The following PITPNM2 variants were observed in gnomAD, a reference collection of about 807,000 sequenced individuals.
The protein encoded by PITPNM2 is membrane-associated phosphatidylinositol transfer protein 2.
In PITPNM2, 35 loss-of-function variants were observed where a neutral mutation model predicts 132.2. The observed-to-expected ratio is 0.26, with a 90% CI of 0.20 to 0.35. The LOEUF is 0.35. Among genes scored for constraint, PITPNM2 ranks in the 10% least tolerant of loss-of-function variants. The pLI is 1.00. For synonymous variants in PITPNM2, 738 were observed against 799.2 expected (o/e 0.92, Z 1.29); for missense variants, 1,332 against 1,912.0 (o/e 0.70, Z 5.66).
intron 2 of PITPNM2, among the ~76,000 whole-genome samples, chr12:123,069,474 A>G (rs1447312362): frequency 1.3e-5 from 2 of 152,114 alleles, no homozygotes; most frequent in Non-Finnish European, 2.9e-5. Flanking sequence ...CGCAGCAAAG[A>G]AAAGGCCAGA....
In PITPNM2 at chr12:123,034,617, G is replaced by A; in HGVS notation, c.-27C>T. ...TTGGAGTCCAAGCCTTCCCGTCGAT[G>A]GGGAACTGCAAGTTGGGACTTCTAG... On this transcript the variant is annotated 5_prime_UTR_variant, in exon 3 of 26. Transcript: ENST00000320201. The A allele has an allele frequency of 6.2e-7, 1 of 1,605,478 alleles. No individual in the cohort carries two copies. Among genetic ancestry groups the A allele is most frequent in the Non-Finnish European group, 8.5e-7 (1 of 1,172,102 alleles).
intron 2 of PITPNM2, chr12:123,105,366 G>T (rs1296451165): frequency 6.6e-6 from 1 of 152,162 alleles, no homozygotes; most frequent in Non-Finnish European, 1.5e-5. Flanking sequence ...AAATACGTGT[G>T]GAATGAATCG....
chr12:123,031,091 C>T lies in PITPNM2; in HGVS notation c.78+3422G>A, dbSNP rs1389796219. Among the ~76,000 whole-genome samples the T allele has an allele frequency of 1.3e-5, 2 of 152,194 alleles. No homozygotes were observed. The highest frequency in any genetic ancestry group is 1.5e-5 in the Non-Finnish European group (1 of 68,038). ...GTGGTTGCACAACATTGTGAGTATA[C>T]TAAATGCCACTGAATTGTTCACTTA... is the stretch of plus-strand genomic sequence containing the variant. On this transcript the variant is annotated intron_variant, in intron 3 of 25. Transcript: ENST00000320201. The surrounding 1 kb of genome is among the most constrained non-coding windows in gnomAD (Gnocchi z 4.5).
At position 122,986,121 on chromosome 12, in the gene PITPNM2, T is replaced by G. The variant is rs1308980587; in HGVS notation, c.3956A>C (p.Gln1319Pro). 6.6e-7 allele frequency: 1 copy of G among 1,504,990 alleles called. No individual in the cohort carries two copies. Among genetic ancestry groups the G allele is most frequent in the South Asian group, 1.2e-5 (1 of 80,432 alleles). The allele number at this position is 1,504,990 out of a possible 1,614,324, so 93.2% of individuals were successfully genotyped here. The stretch of plus-strand genomic sequence containing the variant: ...CACACTCATGCTGCGCTGGCCCCGC[T>G]GCTCGCCATCCGCCTGGCTCTGTGT... ...ERTQSQADGE[Q>P]RGQRSMSVAA... Residue 1319 changes from glutamine (Q) to proline (P), a missense_variant, in exon 26 of 26, where the codon CAG becomes CCG. Gln to Pro is a moderately conservative substitution (Grantham distance 76). This residue lies in a region of PITPNM2 where 163 missense variants were observed against 177.2 expected (regional missense o/e 0.92). Transcript: ENST00000320201.
intron 2 of PITPNM2, among the ~76,000 whole-genome samples, chr12:123,093,885 C>T (rs1227547336): frequency 6.6e-6 from 1 of 152,190 alleles, no homozygotes; most frequent in Non-Finnish European, 1.5e-5. Context: ...TGGGCCAGAG[C>T]CCAACACCAC....
At chr12:122,999,882 C>T (rs2136150986) in intron 10 of PITPNM2, among the ~76,000 whole-genome samples, 1 of 152,330 alleles carries the variant, frequency 6.6e-6, no homozygotes, top group Non-Finnish European at 1.5e-5. Flanking sequence ...CCCCAGGCCC[C>T]TTCTGCCCCT....
chr12:123,138,226 C>T (rs1463370320), intron 1 of PITPNM2, among the ~76,000 whole-genome samples: 2 of 152,034 alleles, frequency 1.3e-5, no homozygotes, highest in Admixed American at 6.6e-5. Flanking sequence ...GTGGGTGGAT[C>T]GCTTGAGCTC....
chr12:123,148,388 CA>C (rs1366201943), intron 1 of PITPNM2, among the ~76,000 whole-genome samples: 1 of 152,170 alleles, frequency 6.6e-6, no homozygotes, highest in Non-Finnish European at 1.5e-5. Flanking sequence ...ACTACGCTTA[CA>C]TTAAAGAGCA....
rs2038297069 is a variant in PITPNM2 at position 122,993,708 on chromosome 12, G to A, written c.2234-1039C>T. 6.6e-6 allele frequency among the ~76,000 whole-genome samples: 1 copy of A among 152,162 alleles called. No individual in the cohort carries two copies. Among genetic ancestry groups the A allele is most frequent in the Middle Eastern group, 3.2e-3 (1 of 316 alleles). ...ATGCACCTGTGTGGGACTCTGTGGG[G>A]CTGTTCAGAGCCTGCAGTGGCTGGG... On this transcript the variant is annotated intron_variant, in intron 15 of 25. Coordinates refer to ENST00000320201, the MANE Select transcript of PITPNM2 (RefSeq NM_020845.3). This position sits in a 1 kb window ranked among gnomAD's most constrained non-coding sequence, Gnocchi z 5.2.
At chr12:123,040,921 G>A (rs1200711614) in intron 2 of PITPNM2, among the ~76,000 whole-genome samples, 1 of 152,186 alleles carries the variant, frequency 6.6e-6, no homozygotes, top group African/African-American at 2.4e-5. Context: ...TTGACTGAAT[G>A]CTGGAGAGGG....
chr12:123,050,926 A>G (rs576678617), intron 2 of PITPNM2, among the ~76,000 whole-genome samples: 6 of 152,238 alleles, frequency 3.9e-5, no homozygotes, highest in African/African-American at 1.2e-4. Flanking sequence ...CCATGGGCAC[A>G]TAACTTGGGC....
intron 2 of PITPNM2, chr12:123,081,126 C>G (rs2041950831): frequency 6.6e-6 from 1 of 152,386 alleles, no homozygotes; most frequent in Admixed American, 6.5e-5. Flanking sequence ...GGTCTCTTCC[C>G]TCAACCCCTC....
chr12:123,137,896 A>AAG (rs1468470423), intron 1 of PITPNM2, among the ~76,000 whole-genome samples: 1 of 141,488 alleles, frequency 7.1e-6, no homozygotes, highest in East Asian at 2.0e-4. Context: ...CTGTCTCAAA[A>AAG]AAAAAAAAAA....
chr12:123,102,731 T>C (rs189431395), intron 2 of PITPNM2, among the ~76,000 whole-genome samples: 2 of 152,064 alleles, frequency 1.3e-5, no homozygotes, highest in Admixed American at 1.3e-4. Context: ...AAAAGAAAAA[T>C]ACCAGCTTTC....
intron 3 of PITPNM2, among the ~76,000 whole-genome samples, chr12:123,029,837 G>C (rs1422515037): frequency 6.6e-6 from 1 of 151,874 alleles, no homozygotes; most frequent in African/African-American, 2.4e-5. Flanking sequence ...CTGTGTGTGT[G>C]TGTGTGTGTG....
At chr12:123,149,637 T>C (rs573029618) in intron 1 of PITPNM2, 4 of 152,650 alleles carry the variant, frequency 2.6e-5, no homozygotes, top group Admixed American at 1.3e-4. Context: ...ATAAGGCAGA[T>C]GGAAAAGTAA....
chr12:123,051,292 A>G (rs1182242871), intron 2 of PITPNM2, among the ~76,000 whole-genome samples: 1 of 152,220 alleles, frequency 6.6e-6, no homozygotes, highest in Non-Finnish European at 1.5e-5. Context: ...AGGACTAGAG[A>G]GAAGTATTAG....
rs778945044 is a variant in PITPNM2 at position 122,986,132 on chromosome 12, C to G, written c.3945G>C (p.Ala1315=). 4.0e-6 allele frequency: 6 copies of G among 1,512,610 alleles called. No individual in the cohort carries two copies. In the South Asian group the frequency reaches 4.9e-5, roughly 12 times the overall value. 93.7% of individuals were successfully genotyped at this position (1,512,610 alleles called of 1,614,324 possible). A position where few individuals can be genotyped will look rare whatever the true frequency, so the allele number is the denominator to read the frequency against. ...SHRHERTQSQ[A]DGEQRGQRSM... is the part of the protein sequence containing the mutation. Reference sequence around the variant, plus strand: ...TGCGCTGGCCCCGCTGCTCGCCATCCGCCTGGCTCTGTGTCCGCTCGTGCC... The same window carrying G: ...TGCGCTGGCCCCGCTGCTCGCCATCGGCCTGGCTCTGTGTCCGCTCGTGCC... The change falls in exon 26 of 26, where the codon GCG becomes GCC. Residue 1315 remains alanine, a synonymous_variant. Coordinates refer to ENST00000320201, the MANE Select transcript of PITPNM2 (RefSeq NM_020845.3).
intron 3 of PITPNM2, among the ~76,000 whole-genome samples, chr12:123,027,075 T>C (rs1338560091): frequency 6.6e-6 from 1 of 151,990 alleles, no homozygotes; most frequent in Non-Finnish European, 1.5e-5. Context: ...TGAGTGAGCT[T>C]CAGCCTGCCT....
Sources: allele counts gnomAD v4.1 joint callset (sites outside exome capture counted in the v4.1 genomes callset), GRCh38; gene constraint gnomAD v4.1.1; regional missense constraint gnomAD v4.1.1; non-coding constraint Gnocchi (gnomAD v3.1); transcripts MANE v1.5; gene names NCBI Gene and HGNC (gene_info 2026-07-23, HGNC 2026-07-21).